KCNH5: variants seen among roughly 807,000 people sequenced by gnomAD.
KCNH5 encodes the protein potassium voltage-gated channel subfamily H member 5.
Under a neutral mutation model 96.1 loss-of-function variants are expected in KCNH5, and 46 were observed. The ratio of observed to expected loss-of-function variants is 0.48; its 90% confidence interval spans 0.38 to 0.61. The LOEUF (loss-of-function observed/expected upper bound fraction) is 0.61. KCNH5 is among the 20% of genes least tolerant of loss of function. KCNH5 has a pLI of 0.00. For synonymous variants in KCNH5, 439 were observed against 449.8 expected, an observed-to-expected ratio of 0.98 and a Z score of 0.30; for missense variants, 907 against 1,225.8, an observed-to-expected ratio of 0.74 and a Z score of 3.88.
chr14:62,828,715 G>C (rs1887279063), intron 8 of KCNH5, among the ~76,000 whole-genome samples: 1 of 152,006 alleles, frequency 6.6e-6, no homozygotes, highest in South Asian at 2.1e-4. Flanking sequence ...GATTTGGGTG[G>C]GGACACAGAC....
intron 7 of KCNH5, among the ~76,000 whole-genome samples, chr14:62,909,935 G>GT (rs546121146): frequency 3.9e-5 from 6 of 151,912 alleles, no homozygotes; most frequent in Non-Finnish European, 5.9e-5. Flanking sequence ...ATATGTATTG[G>GT]TTTTTTTCTT....
chr14:62,900,703 A>T (rs193180007), intron 7 of KCNH5, among the ~76,000 whole-genome samples: 2 of 152,128 alleles, frequency 1.3e-5, no homozygotes, highest in African/African-American at 4.8e-5. Context: ...TAATGAAGGA[A>T]ATCAGTAAGA....
At chr14:62,732,887 GTC>G (rs978005244) in intron 10 of KCNH5, among the ~76,000 whole-genome samples, 10 of 151,816 alleles carry the variant, frequency 6.6e-5, no homozygotes, top group Non-Finnish European at 1.2e-4. Context: ...CTCTCTTTCT[GTC>G]TCTCTCTCTT....
At chr14:62,794,328 CCAAA>C (rs1156758357) in intron 9 of KCNH5, among the ~76,000 whole-genome samples, 2 of 151,580 alleles carry the variant, frequency 1.3e-5, no homozygotes, top group Non-Finnish European at 2.9e-5. Flanking sequence ...TAAGATTAAA[CCAAA>C]CAGTTGTACT....
chr14:63,035,897 G>T (rs1891712867), intron 1 of KCNH5, among the ~76,000 whole-genome samples: 1 of 152,188 alleles, frequency 6.6e-6, no homozygotes, highest in Non-Finnish European at 1.5e-5. Flanking sequence ...TGTAAGGTAG[G>T]TGTCCTAATT....
chr14:63,043,292 C>T (rs887279625), intron 1 of KCNH5, among the ~76,000 whole-genome samples: 10 of 152,062 alleles, frequency 6.6e-5, no homozygotes, highest in South Asian at 2.1e-4. Flanking sequence ...GCAGAGCAAT[C>T]GTAACCCTGC....
chr14:62,923,836 T>C (rs1889423361), intron 7 of KCNH5, among the ~76,000 whole-genome samples: 1 of 151,892 alleles, frequency 6.6e-6, no homozygotes, highest in Non-Finnish European at 1.5e-5. Context: ...GATTAAATAC[T>C]TGAACATAAG....
chr14:62,827,766 T>C (rs1887256415), intron 8 of KCNH5, among the ~76,000 whole-genome samples: 1 of 152,168 alleles, frequency 6.6e-6, no homozygotes, highest in African/African-American at 2.4e-5. Context: ...TTCCCAGGTA[T>C]ACAATGGGCC....
chr14:62,906,846 T>A (rs895327673), intron 7 of KCNH5, among the ~76,000 whole-genome samples: 17 of 152,086 alleles, frequency 1.1e-4, no homozygotes, highest in African/African-American at 3.9e-4. Flanking sequence ...GTAAAGAGAG[T>A]TTACTGTACT....
intron 1 of KCNH5, among the ~76,000 whole-genome samples, chr14:63,033,891 T>C (rs1891675163): frequency 6.6e-6 from 1 of 152,104 alleles, no homozygotes; most frequent in Non-Finnish European, 1.5e-5. Flanking sequence ...AACTTGTGAA[T>C]TTAAATCATG....
intron 7 of KCNH5, among the ~76,000 whole-genome samples, chr14:62,861,564 C>T (rs775234710): frequency 5.9e-5 from 9 of 151,540 alleles, no homozygotes; most frequent in African/African-American, 2.2e-4. Flanking sequence ...ATGTCTTTGT[C>T]GCTTCTATTT....
chr14:62,954,442 G>A (rs1890063378), intron 6 of KCNH5, among the ~76,000 whole-genome samples: 2 of 152,100 alleles, frequency 1.3e-5, no homozygotes, highest in African/African-American at 4.8e-5. Context: ...TTACAAAGCT[G>A]GCATATGGTA....
intron 10 of KCNH5, among the ~76,000 whole-genome samples, chr14:62,753,163 A>G (rs1885540766): frequency 6.6e-6 from 1 of 152,242 alleles, no homozygotes; most frequent in African/African-American, 2.4e-5. Flanking sequence ...TTAAAAAATT[A>G]AAAAGAATCA....
intron 7 of KCNH5, among the ~76,000 whole-genome samples, chr14:62,855,570 T>C (rs1366972833): frequency 6.6e-6 from 1 of 152,234 alleles, no homozygotes; most frequent in Non-Finnish European, 1.5e-5. Context: ...TATGTAACTA[T>C]GATCAATTTA....
chr14:62,788,619 A>T (rs1886368431), intron 9 of KCNH5, among the ~76,000 whole-genome samples: 1 of 152,128 alleles, frequency 6.6e-6, no homozygotes, highest in Non-Finnish European at 1.5e-5. Flanking sequence ...CAATTGATGC[A>T]GTAAATTTCA....
intron 7 of KCNH5, among the ~76,000 whole-genome samples, chr14:62,889,784 T>C (rs570900352): frequency 5.3e-5 from 8 of 152,328 alleles, no homozygotes; most frequent in Admixed American, 3.9e-4. Flanking sequence ...CATAGTACTA[T>C]TGCATTTCAA....
intron 4 of KCNH5, 144 bp from the exon 5 acceptor site, chr14:62,987,331 C>T: frequency 1.6e-6 from 1 of 639,954 alleles, no homozygotes; most frequent in Non-Finnish European, 2.8e-6. Context: ...TTCTTTCCTT[C>T]TGTATAGACA....
rs1884456108 is a variant in KCNH5 at position 62,707,415 on chromosome 14, G to A, written c.*93C>T. On this transcript the variant is annotated 3_prime_UTR_variant, in exon 11 of 11. Transcript: ENST00000322893. ...AAAATCCATGTGTGGTCATCATCTTGAAAGCAAGTGAAAATATATATATGT... is the reference window on the plus strand; with the variant it reads ...AAAATCCATGTGTGGTCATCATCTTAAAAGCAAGTGAAAATATATATATGT... The A allele has an allele frequency of 3.3e-6, 2 of 609,784 alleles. No individual in the cohort carries two copies. The highest frequency in any genetic ancestry group is 4.8e-6 in the Non-Finnish European group (2 of 413,500). The allele number at this position is 609,784 out of a possible 1,614,324, so 37.8% of individuals were successfully genotyped here.
At chr14:62,834,710 T>A (rs751941285) in intron 8 of KCNH5, among the ~76,000 whole-genome samples, 2 of 151,996 alleles carry the variant, frequency 1.3e-5, no homozygotes, top group Non-Finnish European at 2.9e-5. Context: ...ACTGAGTATA[T>A]AATGGTTTCT....
Sources: allele counts gnomAD v4.1 joint callset (sites outside exome capture counted in the v4.1 genomes callset), GRCh38; gene constraint gnomAD v4.1.1; transcripts MANE v1.5; gene names NCBI Gene and HGNC (gene_info 2026-07-23, HGNC 2026-07-21).